The following ANO1 variants were observed in gnomAD, a reference collection of about 807,000 sequenced individuals.
ANO1 encodes anoctamin 1.
Under a neutral mutation model 124.0 loss-of-function variants are expected in ANO1, and 59 were observed. The ratio of observed to expected loss-of-function variants is 0.48; its 90% CI spans 0.39 to 0.59. The LOEUF (loss-of-function observed/expected upper bound fraction) is 0.59. Among genes scored for constraint, ANO1 ranks in the 20% least tolerant of loss-of-function variants. The pLI, the probability that ANO1 is intolerant of heterozygous loss-of-function variation, is 0.00. For synonymous variants in ANO1, 529 were observed against 532.0 expected, an observed-to-expected ratio of 0.99 and a Z score of 0.08; for missense variants, 1,059 against 1,328.0, an observed-to-expected ratio of 0.80 and a Z score of 3.15.
chr11:70,087,665 G>A (rs1446825512), intron 1 of ANO1, 87 bp from the exon 2 acceptor site: 2 of 1,274,830 alleles, frequency 1.6e-6, no homozygotes, highest in Non-Finnish European at 2.1e-6. Flanking sequence ...TGAGTGAGGA[G>A]TGAGTGGATG....
In ANO1 at chr11:70,017,434, C is replaced by T. The variant is rs567065405; in HGVS notation, c.58+31268C>T. 9.5e-3 allele frequency among the ~76,000 whole-genome samples: 1,444 copies of T among 151,272 alleles called. 16 individuals carry two copies. The highest frequency in any genetic ancestry group is 0.02 in the Middle Eastern group (6 of 294). ...GCCTGGGCAACAGTTTTCTTCCTTC[C>T]TTCCTTCCTTCATTCCTTCCTTCCT... is the stretch of plus-strand genomic sequence containing the variant. On this transcript the variant is annotated intron_variant, in intron 1 of 27. Transcript: ENST00000531349.
intron 1 of ANO1, among the ~76,000 whole-genome samples, chr11:70,008,309 GA>G (rs1856530386): frequency 6.6e-6 from 1 of 152,280 alleles, no homozygotes; most frequent in South Asian, 2.1e-4. Context: ...TCATATCCAA[GA>G]AACAATGCCA....
chr11:70,099,301 A>G (rs1250922247), intron 2 of ANO1, among the ~76,000 whole-genome samples: 1 of 152,076 alleles, frequency 6.6e-6, no homozygotes, highest in African/African-American at 2.4e-5. Flanking sequence ...TTTTTGCCGA[A>G]CTGGTCTCAT....
intron 1 of ANO1, among the ~76,000 whole-genome samples, chr11:70,046,134 AG>A (rs1302513092): frequency 6.6e-6 from 1 of 152,204 alleles, no homozygotes; most frequent in Non-Finnish European, 1.5e-5. Context: ...TATGAAACAA[AG>A]GTTGAGCTCA....
At chr11:70,075,035 T>G (rs1374254550), upstream of ANO1, 1 of 152,220 alleles carries the variant, frequency 6.6e-6, no homozygotes, top group African/African-American at 2.4e-5. Context: ...ACCAAGGCCA[T>G]GCGGTTGGTT....
At chr11:70,071,538 A>G (rs78706900) in intron 1 of ANO1, among the ~76,000 whole-genome samples, 170 of 152,356 alleles carry the variant, frequency 1.1e-3, no homozygotes, top group African/African-American at 3.2e-3. Context: ...CTGAAATAAG[A>G]TATGCCGTAA....
At chr11:70,158,622 GA>G (rs5792511) in intron 16 of ANO1, among the ~76,000 whole-genome samples, 35,913 of 152,272 alleles carry the variant, frequency 0.24, 4,319 homozygotes, top group Middle Eastern at 0.34. Context: ...CATTCTGTAG[GA>G]ACTTGGAGAG....
chr11:69,984,121 GT>G (rs1591015237), upstream of ANO1, among the ~76,000 whole-genome samples: 1 of 152,220 alleles, frequency 6.6e-6, no homozygotes, highest in East Asian at 1.9e-4. Flanking sequence ...CAATTGCCAT[GT>G]ATCACATTGG....
At chr11:70,170,376 G>C (rs1189745916) in intron 21 of ANO1, among the ~76,000 whole-genome samples, 1 of 152,202 alleles carries the variant, frequency 6.6e-6, no homozygotes, top group Non-Finnish European at 1.5e-5. Flanking sequence ...TGGATGACTT[G>C]AGCTCAGGAG....
intron 1 of ANO1, among the ~76,000 whole-genome samples, chr11:70,045,137 G>C (rs2135065973): frequency 6.6e-6 from 1 of 152,158 alleles, no homozygotes; most frequent in East Asian, 1.9e-4. Context: ...AACTGATAAA[G>C]AAAATGTGGC....
chr11:70,026,721 G>A (rs75647742), intron 1 of ANO1, among the ~76,000 whole-genome samples: 1,782 of 152,230 alleles, frequency 0.012, 44 homozygotes, highest in African/African-American at 0.04. Context: ...TCAGAGTTCT[G>A]TTCCAGGCTT....
intron 9 of ANO1, among the ~76,000 whole-genome samples, chr11:70,125,518 A>G (rs1351896487): frequency 1.4e-5 from 2 of 143,940 alleles, no homozygotes; most frequent in African/African-American, 5.1e-5. Flanking sequence ...CTCTATCTCA[A>G]AAAAAAAAAA....
intron 22 of ANO1, among the ~76,000 whole-genome samples, chr11:70,177,594 C>CTTTTTTTTTTCTTTTTTTTTTTTT (rs1565281935): frequency 1.3e-5 from 1 of 78,930 alleles, no homozygotes; most frequent in Non-Finnish European, 2.2e-5. Context: ...TTTTTTTTTT[C>CTTTTTTTTTTCTTTTTTTTTTTTT]TTTTTTTTTT....
the ANO1 span, among the ~76,000 whole-genome samples, chr11:69,969,827 G>C: frequency 4.6e-5 from 7 of 152,092 alleles, no homozygotes; most frequent in Non-Finnish European, 7.4e-5. Flanking sequence ...GGCACCTGTA[G>C]TCCCAGCTAC....
chr11:70,003,303 C>G (rs1470675082), intron 1 of ANO1, among the ~76,000 whole-genome samples: 1 of 152,182 alleles, frequency 6.6e-6, no homozygotes, highest in African/African-American at 2.4e-5. Flanking sequence ...GCTCATCAAA[C>G]AGGCAAAATC....
intron 1 of ANO1, among the ~76,000 whole-genome samples, chr11:70,034,404 G>A (rs781848395): frequency 1.3e-5 from 2 of 152,074 alleles, no homozygotes; most frequent in Non-Finnish European, 2.9e-5. Flanking sequence ...CCGGCGGTTG[G>A]GTGGAAGACA....
chr11:70,169,600 G>A (rs2048379492), intron 21 of ANO1, among the ~76,000 whole-genome samples: 1 of 151,998 alleles, frequency 6.6e-6, no homozygotes, highest in Non-Finnish European at 1.5e-5. Flanking sequence ...GCAGCCCCTG[G>A]CCCTCATGCA....
In ANO1 at chr11:70,153,128, G is replaced by A; in HGVS notation, c.1425G>A (p.Glu475=). The change falls in exon 14 of 26, where the codon GAG becomes GAA. Residue 475 remains glutamate, a splice_region_variant and synonymous_variant. Coordinates refer to ENST00000355303, the MANE Select transcript of ANO1 (RefSeq NM_018043.7). ...KSLKKESRNK[E]KRRHIPEEST... is the part of the protein sequence containing the mutation. Reference sequence around the variant, plus strand: ...TGAAGAAAGAGTCCAGAAACAAAGAGGTATGGTGGCCACTGTGGGTTAACT... The same window carrying A: ...TGAAGAAAGAGTCCAGAAACAAAGAAGTATGGTGGCCACTGTGGGTTAACT... 6.2e-7 allele frequency: 1 copy of A among 1,602,394 alleles called. No individual in the cohort carries two copies. Among genetic ancestry groups the A allele is most frequent in the South Asian group, 1.1e-5 (1 of 88,474 alleles).
At chr11:70,082,053 G>T (rs542216540) in intron 1 of ANO1, among the ~76,000 whole-genome samples, 1 of 152,320 alleles carries the variant, frequency 6.6e-6, no homozygotes, top group African/African-American at 2.4e-5. Context: ...AGATGTCTTT[G>T]TCGGCATCTC....
Sources: allele counts gnomAD v4.1 joint callset (sites outside exome capture counted in the v4.1 genomes callset), GRCh38; gene constraint gnomAD v4.1.1; transcripts MANE v1.5; gene names NCBI Gene and HGNC (gene_info 2026-07-23, HGNC 2026-07-21).